NBL1: variants seen among roughly 807,000 people sequenced by gnomAD.
NBL1 encodes neuroblastoma suppressor of tumorigenicity 1.
In NBL1, 9 loss-of-function variants were observed where a neutral mutation model predicts 16.0. The observed-to-expected ratio is 0.56, with a 90% CI of 0.34 to 0.98. NBL1 has a LOEUF of 0.98. Ranked by LOEUF, NBL1 falls within the 50% of genes least tolerant of loss-of-function variation. The probability of loss-of-function intolerance (pLI) is 0.02; values close to 1 mark genes in which losing one functional copy is unlikely to be tolerated. For missense variants in NBL1, 196 were observed against 243.1 expected, an observed-to-expected ratio of 0.81 and a Z score of 1.29; for synonymous variants, 86 against 100.7, an observed-to-expected ratio of 0.85 and a Z score of 0.87.
intron 1 of NBL1, among the ~76,000 whole-genome samples, chr1:19,650,770 A>G (rs1255768543): frequency 6.6e-6 from 1 of 152,228 alleles, no homozygotes; most frequent in Non-Finnish European, 1.5e-5. Context: ...GCTGCTTGAA[A>G]AAACAAAAAA....
chr1:19,643,246 G>A (rs2094959137), upstream of NBL1: 2 of 1,496,126 alleles, frequency 1.3e-6, no homozygotes, highest in South Asian at 2.3e-5. This position sits in a 1 kb window ranked among gnomAD's most constrained non-coding sequence, Gnocchi z 4.7. Context: ...CAGGCTGGGT[G>A]TGGAGGGTGC....
At chr1:19,649,760 C>T (rs974462913) in intron 1 of NBL1, among the ~76,000 whole-genome samples, 6 of 152,090 alleles carry the variant, frequency 3.9e-5, no homozygotes, top group South Asian at 4.2e-4. Context: ...CTCCCAGGAC[C>T]GAGTGATCCT....
At chr1:19,646,062 G>A in intron 1 of NBL1, 1 of 1,550,180 alleles carries the variant, frequency 6.5e-7, no homozygotes, top group Non-Finnish European at 8.7e-7. Context: ...TGGGTTTGGG[G>A]GCTGGCACAG....
At position 19,655,223 on chromosome 1, in the gene NBL1, G is replaced by A. The variant is rs1001521087; in HGVS notation, c.170+23G>A. The A allele has an allele frequency of 5.0e-6, 8 of 1,604,114 alleles. No individual in the cohort carries two copies. The Admixed American group carries it at 1.2e-4, about 24-fold the overall frequency. Reference sequence around the variant, plus strand: ...CAGGTGGGACCCAAGGGGTGGGTGGGGGGATGCGGACAGGGGTCCAAGGAG... The same window carrying A: ...CAGGTGGGACCCAAGGGGTGGGTGGAGGGATGCGGACAGGGGTCCAAGGAG... On this transcript the variant is annotated intron_variant, in intron 2 of 3. Coordinates refer to ENST00000375136, the MANE Select transcript of NBL1 (RefSeq NM_005380.8).
Position 19,644,587 on chromosome 1 carries a change from A to G in NBL1, c.-20+141A>G. Reference sequence around the variant, plus strand: ...GCACCGGGTGGAGGCGCCGCCGCCGAGCTCAGGAGCCCTGGGGGACCTGGC... The same window carrying G: ...GCACCGGGTGGAGGCGCCGCCGCCGGGCTCAGGAGCCCTGGGGGACCTGGC... On this transcript the variant is annotated intron_variant, in intron 1 of 3. Transcript: ENST00000375136. The surrounding 1 kb of genome is among the most constrained non-coding windows in gnomAD (Gnocchi z 4.6). 2.6e-6 allele frequency: 1 copy of G among 379,198 alleles called. No individual in the cohort carries two copies. Among genetic ancestry groups the G allele is most frequent in the African/African-American group, 2.3e-5 (1 of 44,320 alleles). 23.5% of individuals were successfully genotyped at this position (379,198 alleles called of 1,614,324 possible).
chr1:19,652,635 C>T (rs1458174373), intron 1 of NBL1, among the ~76,000 whole-genome samples: 1 of 152,110 alleles, frequency 6.6e-6, no homozygotes, highest in African/African-American at 2.4e-5. Context: ...CACAGCCCTG[C>T]AGGAGCCCCA....
intron 1 of NBL1, chr1:19,646,158 C>G: frequency 8.7e-7 from 1 of 1,151,280 alleles, no homozygotes; most frequent in Non-Finnish European, 1.2e-6. Context: ...TTGACTCATG[C>G]TCTCCCCAGT....
At position 19,644,345 on chromosome 1, in the gene NBL1, G is replaced by C; in HGVS notation, c.-121G>C. The C allele has an allele frequency of 3.1e-6, 3 of 978,676 alleles. No individual in the cohort carries two copies. The highest frequency in any genetic ancestry group is 2.4e-6 in the Non-Finnish European group (2 of 827,126). The allele number at this position is 978,676 out of a possible 1,614,324, so 60.6% of individuals were successfully genotyped here. A position where few individuals can be genotyped will look rare whatever the true frequency, so the allele number is the denominator to read the frequency against. On this transcript the variant is annotated 5_prime_UTR_variant, in exon 1 of 4. Coordinates refer to ENST00000375136, the MANE Select transcript of NBL1 (RefSeq NM_005380.8). This position sits in a 1 kb window ranked among gnomAD's most constrained non-coding sequence, Gnocchi z 4.6. ...GCGCAGCGCAGCCCAGCCGAGCGTC[G>C]CGGGGCCGCCCCCCGCCCTGCCGGC...
chr1:19,650,782 C>T (rs973691627), intron 1 of NBL1, among the ~76,000 whole-genome samples: 7 of 151,910 alleles, frequency 4.6e-5, no homozygotes, highest in East Asian at 1.9e-4. Context: ...AACAAAAAAG[C>T]GTAAACCAAC....
At chr1:19,644,042 G>T (rs911453609), upstream of NBL1, 1 of 980,272 alleles carries the variant, frequency 1.0e-6, no homozygotes, top group African/African-American at 1.8e-5. This position sits in a 1 kb window ranked among gnomAD's most constrained non-coding sequence, Gnocchi z 4.6. Flanking sequence ...GGGCTGCCCT[G>T]CCTCTCGGGC....
intron 3 of NBL1, 31 bp downstream of exon 3, chr1:19,655,466 T>G (rs765758691): frequency 6.8e-6 from 11 of 1,610,462 alleles, no homozygotes; most frequent in South Asian, 1.1e-5. Flanking sequence ...CCACCCAGTC[T>G]CGGCCCGGAG....
chr1:19,645,277 T>G, intron 1 of NBL1: 1 of 804,746 alleles, frequency 1.2e-6, no homozygotes, highest in South Asian at 5.7e-5. Context: ...GGGCTCAGTT[T>G]TCTTAAGAAT....
chr1:19,643,297 T>C (rs777675093), upstream of NBL1: 47 of 1,613,128 alleles, frequency 2.9e-5, no homozygotes, highest in Admixed American at 5.0e-5. The surrounding 1 kb of genome is among the most constrained non-coding windows in gnomAD (Gnocchi z 4.7). Context: ...AGCAGGCCAC[T>C]AGGAGCCACC....
intron 1 of NBL1, among the ~76,000 whole-genome samples, chr1:19,653,383 C>G (rs1453374509): frequency 6.6e-6 from 1 of 152,130 alleles, no homozygotes; most frequent in African/African-American, 2.4e-5. Context: ...CCACCTGACT[C>G]CTGGTGCTGG....
At chr1:19,644,098 C>T (rs1197212675), upstream of NBL1, 24 of 973,880 alleles carry the variant, frequency 2.5e-5, no homozygotes, top group Non-Finnish European at 2.9e-5. This position sits in a 1 kb window ranked among gnomAD's most constrained non-coding sequence, Gnocchi z 4.6. Context: ...CGGAGCGCGC[C>T]GAAGCTCAGC....
At position 19,657,211 on chromosome 1, in the gene NBL1, A is replaced by G; in HGVS notation, c.*82A>G. ...TCTGGGGAAGTCAGGGGAGAAGCTG[A>G]AGCCCCCCTTTGGCACTGGATGGAC... On this transcript the variant is annotated 3_prime_UTR_variant, in exon 4 of 4. Coordinates refer to ENST00000375136, the MANE Select transcript of NBL1 (RefSeq NM_005380.8). 1 of 649,204 alleles carries G rather than the reference A, an allele frequency of 1.5e-6. No individual in the cohort carries two copies. Among genetic ancestry groups the G allele is most frequent in the Non-Finnish European group, 2.6e-6 (1 of 379,748 alleles). The allele number at this position is 649,204 out of a possible 1,614,324, so 40.2% of individuals were successfully genotyped here. A position where few individuals can be genotyped will look rare whatever the true frequency, so the allele number is the denominator to read the frequency against.
rs551555324 is a variant in NBL1, at chr1:19,644,819, TCGCCG to T, written c.-20+383_-20+387del. ...CATGTCCCCCGGCCGTGCCCGGGCC[TCGCCG>T]CGCCGCGCCTCTCGGCTCTGGACGT... On this transcript the variant is annotated intron_variant, in intron 1 of 3. Coordinates refer to ENST00000375136, the MANE Select transcript of NBL1 (RefSeq NM_005380.8). The surrounding 1 kb of genome is among the most constrained non-coding windows in gnomAD (Gnocchi z 4.6). 6.6e-6 allele frequency among the ~76,000 whole-genome samples: 1 copy of T among 151,274 alleles called. No homozygotes were observed. The highest frequency in any genetic ancestry group is 1.5e-5 in the Non-Finnish European group (1 of 67,646).
chr1:19,654,138 G>A (rs1387697143), intron 1 of NBL1, among the ~76,000 whole-genome samples: 5 of 152,122 alleles, frequency 3.3e-5, no homozygotes, highest in African/African-American at 1.2e-4. Flanking sequence ...GGCCAGGTGC[G>A]GTGGCTCACG....
At chr1:19,648,462 T>G (rs1277682187) in intron 1 of NBL1, among the ~76,000 whole-genome samples, 2 of 152,198 alleles carry the variant, frequency 1.3e-5, no homozygotes, top group Admixed American at 6.5e-5. Context: ...CGTCTCAGTT[T>G]TGGCAGGCAT....
Sources: allele counts gnomAD v4.1 joint callset (sites outside exome capture counted in the v4.1 genomes callset), GRCh38; gene constraint gnomAD v4.1.1; non-coding constraint Gnocchi (gnomAD v3.1); transcripts MANE v1.5; gene names NCBI Gene and HGNC (gene_info 2026-07-23, HGNC 2026-07-21).